Variants in SPMIP3 observed in about 807,000 individuals in gnomAD.
SPMIP3 encodes the protein protein SPMIP3.
At chr1:244,380,046 C>A in the SPMIP3 span, among the ~76,000 whole-genome samples, 3 of 151,258 alleles carry the variant, frequency 2.0e-5, no homozygotes, top group East Asian at 5.8e-4. Flanking sequence ...CCAATTAAAG[C>A]ATTGCTTGTG....
At chr1:244,359,671 C>T in the SPMIP3 span, among the ~76,000 whole-genome samples, 4 of 151,676 alleles carry the variant, frequency 2.6e-5, no homozygotes, top group Admixed American at 6.6e-5. Context: ...TACAGTGAGC[C>T]GAGATCACGA....
the SPMIP3 span, among the ~76,000 whole-genome samples, chr1:244,386,325 A>G: frequency 6.6e-6 from 1 of 152,214 alleles, no homozygotes; most frequent in South Asian, 2.1e-4. Flanking sequence ...AATGACTTTC[A>G]AAGGAGTCAC....
chr1:244,382,162 C>A, the SPMIP3 span, among the ~76,000 whole-genome samples: 18 of 152,008 alleles, frequency 1.2e-4, no homozygotes, highest in Non-Finnish European at 2.4e-4. Context: ...AGACAAGATA[C>A]CTGCTTCCGC....
At chr1:244,365,851 T>C in the SPMIP3 span, among the ~76,000 whole-genome samples, 2 of 152,172 alleles carry the variant, frequency 1.3e-5, no homozygotes, top group East Asian at 3.9e-4. Context: ...TTTACTCTGC[T>C]TGTGGGAAAA....
chr1:244,360,409 T>C, the SPMIP3 span, among the ~76,000 whole-genome samples: 1 of 152,036 alleles, frequency 6.6e-6, no homozygotes, highest in Non-Finnish European at 1.5e-5. Context: ...CAAAGAGATA[T>C]CTGCAGTCCT....
the SPMIP3 span, among the ~76,000 whole-genome samples, chr1:244,370,774 C>T: frequency 1.5e-4 from 23 of 152,172 alleles, 1 homozygote; most frequent in Non-Finnish European, 2.9e-4. Context: ...GGCAGAATAG[C>T]GACATGGAGT....
chr1:244,353,685 A>G, the SPMIP3 span, among the ~76,000 whole-genome samples: 2 of 152,158 alleles, frequency 1.3e-5, no homozygotes, highest in Admixed American at 6.5e-5. Flanking sequence ...GAATGGGCTT[A>G]ATTTAGGCTA....
chr1:244,356,112 C>A, the SPMIP3 span, among the ~76,000 whole-genome samples: 3 of 152,012 alleles, frequency 2.0e-5, no homozygotes, highest in South Asian at 2.1e-4. Context: ...ATCTGTACAC[C>A]TTTTATTTCC....
At chr1:244,386,440 C>T in the SPMIP3 span, among the ~76,000 whole-genome samples, 3 of 152,136 alleles carry the variant, frequency 2.0e-5, no homozygotes, top group African/African-American at 4.8e-5. Flanking sequence ...CTGTGTAGCA[C>T]GTTTCAGGGT....
the SPMIP3 span, among the ~76,000 whole-genome samples, chr1:244,371,188 A>G: frequency 2.0e-5 from 3 of 152,214 alleles, no homozygotes; most frequent in African/African-American, 4.8e-5. Flanking sequence ...CACCTCAAAA[A>G]GCCAAGCCAT....
the SPMIP3 span, among the ~76,000 whole-genome samples, chr1:244,382,180 A>G: frequency 1.3e-5 from 2 of 151,606 alleles, no homozygotes; most frequent in African/African-American, 4.9e-5. Flanking sequence ...CGCAGGGCTG[A>G]CATTCTGGTG....
the SPMIP3 span, chr1:244,378,350 T>C: frequency 9.7e-7 from 1 of 1,032,686 alleles, no homozygotes; most frequent in Non-Finnish European, 1.4e-6. Flanking sequence ...TGTGGGAGTC[T>C]TGTCAATACT....
chr1:244,385,499 T>A, the SPMIP3 span, among the ~76,000 whole-genome samples: 16 of 152,154 alleles, frequency 1.1e-4, no homozygotes, highest in African/African-American at 3.6e-4. Context: ...AAGTTACCCT[T>A]GTATTACTCA....
At chr1:244,371,129 C>T in the SPMIP3 span, among the ~76,000 whole-genome samples, 2 of 152,194 alleles carry the variant, frequency 1.3e-5, no homozygotes, top group Non-Finnish European at 2.9e-5. Flanking sequence ...ACTCCATTTA[C>T]AGCCACCCTC....
chr1:244,361,321 C>T, the SPMIP3 span, among the ~76,000 whole-genome samples: 1 of 150,718 alleles, frequency 6.6e-6, no homozygotes, highest in South Asian at 2.1e-4. Context: ...CCTCTGCCTC[C>T]TGGGTTCAAG....
the SPMIP3 span, among the ~76,000 whole-genome samples, chr1:244,362,327 T>A: frequency 1.3e-5 from 2 of 152,320 alleles, no homozygotes; most frequent in East Asian, 3.9e-4. Context: ...TTGATAGAGC[T>A]AAGAGTTAAA....
the SPMIP3 span, among the ~76,000 whole-genome samples, chr1:244,382,434 A>G: frequency 6.6e-6 from 1 of 152,140 alleles, no homozygotes; most frequent in South Asian, 2.1e-4. Flanking sequence ...AGGGCTTGGC[A>G]TATTTGAGGA....
the SPMIP3 span, among the ~76,000 whole-genome samples, chr1:244,358,890 A>C: frequency 2.0e-5 from 3 of 152,136 alleles, no homozygotes. Flanking sequence ...TCTTCTATTA[A>C]GGCAACTAAA....
chr1:244,354,335 T>A, the SPMIP3 span, among the ~76,000 whole-genome samples: 3 of 150,294 alleles, frequency 2.0e-5, no homozygotes, highest in Non-Finnish European at 4.4e-5. Context: ...GGCATTGTAC[T>A]GGGAGTACCC....
Sources: allele counts gnomAD v4.1 joint callset (sites outside exome capture counted in the v4.1 genomes callset), GRCh38; gene constraint gnomAD v4.1.1; transcripts MANE v1.5; gene names NCBI Gene and HGNC (gene_info 2026-07-23, HGNC 2026-07-21).